DPP10: variants seen among roughly 807,000 people sequenced by gnomAD.
DPP10 encodes inactive dipeptidyl peptidase 10.
DPP10 carries 33 observed loss-of-function variants against 120.9 expected under a neutral mutation model. The observed-to-expected ratio is 0.27, with a 90% CI of 0.21 to 0.37. The LOEUF is 0.37. DPP10 is among the 10% of genes least tolerant of loss of function. The pLI is 1.00. For missense variants in DPP10, 816 were observed against 942.8 expected (o/e 0.87, Z 1.76); for synonymous variants, 337 against 326.1 (o/e 1.03, Z -0.36).
chr2:115,252,157 C>CT (rs986083918), intron 1 of DPP10, among the ~76,000 whole-genome samples: 33 of 152,174 alleles, frequency 2.2e-4, no homozygotes, highest in African/African-American at 7.7e-4. Context: ...TTCAGGAATG[C>CT]TTTTTTTCTG....
In DPP10 at chr2:114,465,453, G is replaced by T. The variant is rs147097059; in HGVS notation, c.60+22615G>T. On this transcript the variant is annotated intron_variant, in intron 1 of 25. Coordinates refer to ENST00000410059, the MANE Select transcript of DPP10 (RefSeq NM_020868.6). ...TTTCTATTCCATCTACACTGAAAAT[G>T]GCTCATCCTATTGATACAATTTCCC... Among the ~76,000 whole-genome samples, 104 of 152,136 alleles carry T rather than the reference G, an allele frequency of 6.8e-4. 2 individuals are homozygous for T. Among genetic ancestry groups the T allele is most frequent in the African/African-American group, 2.5e-3 (103 of 41,516 alleles).
chr2:115,335,581 T>G (rs1286015473), intron 2 of DPP10, among the ~76,000 whole-genome samples: 1 of 152,036 alleles, frequency 6.6e-6, no homozygotes, highest in Non-Finnish European at 1.5e-5. Context: ...ATATGTTAAG[T>G]ACTAAAACAA....
intron 1 of DPP10, among the ~76,000 whole-genome samples, chr2:115,304,379 T>C (rs750930824): frequency 7.9e-5 from 12 of 152,066 alleles, no homozygotes; most frequent in Non-Finnish European, 1.3e-4. Flanking sequence ...ACGTAAACAG[T>C]GTTCACACTC....
chr2:115,313,081 G>A (rs1341310922), intron 2 of DPP10, among the ~76,000 whole-genome samples: 4 of 152,024 alleles, frequency 2.6e-5, no homozygotes, highest in African/African-American at 9.7e-5. Context: ...AAATGAGCCG[G>A]GCATGGTGGC....
rs146103352 is a variant in DPP10, at chr2:115,797,352, C to G, written c.1700+5996C>G. ...TGAGAGGTGAGTTCATTTTGTTTCC[C>G]AAGGATGAAGACATATATATTCCAA... On this transcript the variant is annotated intron_variant, in intron 19 of 25. Coordinates refer to ENST00000410059, the MANE Select transcript of DPP10 (RefSeq NM_020868.6). Among the ~76,000 whole-genome samples, 808 of 152,024 alleles carry G rather than the reference C, an allele frequency of 5.3e-3. 10 individuals are homozygous for G. Among genetic ancestry groups the G allele is most frequent in the African/African-American group, 0.019 (778 of 41,506 alleles).
chr2:115,659,302 A>C (rs772735557), intron 5 of DPP10, among the ~76,000 whole-genome samples: 1 of 152,138 alleles, frequency 6.6e-6, no homozygotes, highest in Non-Finnish European at 1.5e-5. Flanking sequence ...GCACAAGTGA[A>C]CTAAGACACA....
At chr2:114,671,045 G>A (rs1698303441) in intron 1 of DPP10, among the ~76,000 whole-genome samples, 1 of 152,088 alleles carries the variant, frequency 6.6e-6, no homozygotes, top group Admixed American at 6.6e-5. Flanking sequence ...GAAATTACAA[G>A]AATAAAAGTC....
At chr2:115,366,732 G>A (rs1165597908) in intron 3 of DPP10, among the ~76,000 whole-genome samples, 1 of 151,988 alleles carries the variant, frequency 6.6e-6, no homozygotes, top group East Asian at 1.9e-4. Flanking sequence ...ACATCCACAG[G>A]TGCAGTTGCC....
intron 19 of DPP10, among the ~76,000 whole-genome samples, chr2:115,792,773 T>C (rs1443238138): frequency 6.6e-6 from 1 of 152,178 alleles, no homozygotes; most frequent in Non-Finnish European, 1.5e-5. Context: ...CGTCTCCCTT[T>C]GGTAAAAGGA....
intron 1 of DPP10, among the ~76,000 whole-genome samples, chr2:114,994,942 T>C (rs1347783624): frequency 3.9e-5 from 6 of 152,170 alleles, no homozygotes; most frequent in Admixed American, 3.9e-4. Flanking sequence ...AAGGAAAAAA[T>C]GCACCCAATT....
chr2:115,620,088 A>T (rs1418054470), intron 5 of DPP10, among the ~76,000 whole-genome samples: 1 of 152,152 alleles, frequency 6.6e-6, no homozygotes, highest in Non-Finnish European at 1.5e-5. Flanking sequence ...TGCAATATAC[A>T]CCAGCTGTTT....
intron 3 of DPP10, among the ~76,000 whole-genome samples, chr2:115,481,990 A>G (rs750319419): frequency 2.4e-4 from 36 of 152,070 alleles, no homozygotes; most frequent in Non-Finnish European, 4.0e-4. Context: ...CAAAGTTGGT[A>G]AAAAGTTAAA....
At chr2:114,963,308 A>G (rs1054981327) in intron 1 of DPP10, among the ~76,000 whole-genome samples, 11 of 152,210 alleles carry the variant, frequency 7.2e-5, no homozygotes, top group Non-Finnish European at 2.9e-5. Context: ...TTGAAAAGAG[A>G]GGACACAAAT....
chr2:115,156,608 AAG>A (rs1332483253), intron 1 of DPP10, among the ~76,000 whole-genome samples: 1 of 152,226 alleles, frequency 6.6e-6, no homozygotes, highest in Admixed American at 6.5e-5. Context: ...TTTATAAGGA[AAG>A]AAATTGAGTA....
chr2:115,644,201 T>C (rs1481683827), intron 5 of DPP10, among the ~76,000 whole-genome samples: 2 of 152,182 alleles, frequency 1.3e-5, no homozygotes, highest in East Asian at 3.9e-4. Flanking sequence ...CTAGGGTACA[T>C]GTGCACAACG....
At chr2:114,875,343 C>T (rs1194800078) in intron 1 of DPP10, among the ~76,000 whole-genome samples, 2 of 152,128 alleles carry the variant, frequency 1.3e-5, no homozygotes, top group African/African-American at 4.8e-5. Context: ...CAGCAGACCA[C>T]AAATGAATAA....
chr2:115,422,031 C>T (rs2070019829), intron 3 of DPP10, among the ~76,000 whole-genome samples: 1 of 152,068 alleles, frequency 6.6e-6, no homozygotes, highest in Non-Finnish European at 1.5e-5. Flanking sequence ...CTACAACTCA[C>T]TAGGTTTGAT....
intron 3 of DPP10, among the ~76,000 whole-genome samples, chr2:115,464,463 A>C (rs942115616): frequency 1.3e-5 from 2 of 152,010 alleles, no homozygotes; most frequent in African/African-American, 4.8e-5. Flanking sequence ...GTACAGGAGA[A>C]CTAGCACCTG....
intron 1 of DPP10, among the ~76,000 whole-genome samples, chr2:115,063,202 T>A (rs1237318082): frequency 6.6e-6 from 1 of 152,208 alleles, no homozygotes; most frequent in Admixed American, 6.5e-5. Flanking sequence ...TTGAGAAGTG[T>A]CTGTTCATGT....
Sources: allele counts gnomAD v4.1 joint callset (sites outside exome capture counted in the v4.1 genomes callset), GRCh38; gene constraint gnomAD v4.1.1; transcripts MANE v1.5; gene names NCBI Gene and HGNC (gene_info 2026-07-23, HGNC 2026-07-21).